The following TMEM114 variants were observed in gnomAD, a reference collection of about 807,000 sequenced individuals.
The protein encoded by TMEM114 is claudin-26.
In TMEM114, 6 loss-of-function variants were observed where a neutral mutation model predicts 6.2. The ratio of observed to expected loss-of-function variants is 0.97; its 90% CI spans 0.53 to 1.91. The LOEUF (loss-of-function observed/expected upper bound fraction) is 1.91, where lower values mean the gene tolerates loss of function less well. Among genes scored for constraint, TMEM114 ranks in the 40% most tolerant of loss-of-function variants. The probability of loss-of-function intolerance (pLI) is 0.01; values close to 1 mark genes in which losing one functional copy is unlikely to be tolerated. For missense variants in TMEM114, 218 were observed against 158.3 expected, an observed-to-expected ratio of 1.38 and a Z score of -2.02; for synonymous variants, 104 against 73.0, an observed-to-expected ratio of 1.42 and a Z score of -2.16.
intron 2 of TMEM114, among the ~76,000 whole-genome samples, chr16:8,583,653 CAGG>C (rs1436055505): frequency 2.6e-5 from 4 of 151,942 alleles, no homozygotes; most frequent in African/African-American, 9.7e-5. Flanking sequence ...GAGGCTGAGG[CAGG>C]AGAATTGCTT....
chr16:8,563,870 T>C (rs1901397782), intron 2 of TMEM114, among the ~76,000 whole-genome samples: 1 of 150,164 alleles, frequency 6.7e-6, no homozygotes, highest in Admixed American at 6.6e-5. Flanking sequence ...AATGAGTGAA[T>C]GAGTGAGTGA....
intron 2 of TMEM114, among the ~76,000 whole-genome samples, chr16:8,546,461 G>A (rs924296715): frequency 6.6e-6 from 1 of 152,066 alleles, no homozygotes; most frequent in East Asian, 1.9e-4. Context: ...AATCTGCAGC[G>A]ACCAGCCCGG....
At chr16:8,577,580 T>TTTTGTTA (rs1325384851) in intron 2 of TMEM114, among the ~76,000 whole-genome samples, 1 of 149,694 alleles carries the variant, frequency 6.7e-6, no homozygotes. Flanking sequence ...TGATTTTGTT[T>TTTTGTTA]TTTGTTTTTT....
chr16:8,569,851 G>C lies in TMEM114; in HGVS notation c.594C>G (p.Ala198=). The part of the protein sequence containing the change: ...SLALGWISFI[A]ELLTGAAFLA... ...GGAAGGCTGCCCCGGTGAGCAGCTC[G>C]GCGATGAAGCTGATCCAGCCCAGGG... Residue 198 remains alanine, a synonymous_variant, in exon 4 of 4, where the codon GCC becomes GCG. Transcript: ENST00000620492. The C allele has an allele frequency of 1.3e-6, 2 of 1,551,034 alleles. No individual in the cohort carries two copies. Among genetic ancestry groups the C allele is most frequent in the South Asian group, 1.2e-5 (1 of 84,064 alleles).
intron 2 of TMEM114, among the ~76,000 whole-genome samples, chr16:8,579,995 A>G (rs1237726268): frequency 6.6e-6 from 1 of 152,054 alleles, no homozygotes; most frequent in East Asian, 1.9e-4. Flanking sequence ...TAGGAGAGGG[A>G]TTCCCAAAAG....
At chr16:8,562,010 G>T (rs111218278) in intron 2 of TMEM114, among the ~76,000 whole-genome samples, 6,271 of 151,858 alleles carry the variant, frequency 0.041, 188 homozygotes, top group South Asian at 0.1. Context: ...GTAAATGAGT[G>T]ACTGAATGTG....
At chr16:8,553,814 C>T (rs1254241185) in intron 2 of TMEM114, among the ~76,000 whole-genome samples, 1 of 152,088 alleles carries the variant, frequency 6.6e-6, no homozygotes, top group African/African-American at 2.4e-5. Flanking sequence ...ATCTTCCCAC[C>T]TCAGCCTCCC....
downstream of TMEM114, among the ~76,000 whole-genome samples, chr16:8,565,600 G>A (rs1232462500): frequency 6.6e-6 from 1 of 152,090 alleles, no homozygotes; most frequent in Non-Finnish European, 1.5e-5. Flanking sequence ...ACCTGGATCT[G>A]ACCACACCTC....
chr16:8,527,470 C>T, the TMEM114 span, among the ~76,000 whole-genome samples: 5 of 152,130 alleles, frequency 3.3e-5, no homozygotes, highest in Admixed American at 6.5e-5. Context: ...GGACACTTCC[C>T]CGTGGATTTG....
chr16:8,586,672 G>T (rs145559439), intron 2 of TMEM114, among the ~76,000 whole-genome samples: 1,541 of 152,140 alleles, frequency 0.01, 29 homozygotes, highest in African/African-American at 0.034. Flanking sequence ...ACCACACCGG[G>T]CTAATTTTTG....
At chr16:8,533,296 A>T (rs1039582492), downstream of TMEM114, among the ~76,000 whole-genome samples, 1 of 152,226 alleles carries the variant, frequency 6.6e-6, no homozygotes. Flanking sequence ...TGAGACCTGG[A>T]TGACATGAAG....
chr16:8,562,376 G>C lies in TMEM114; in HGVS notation n.213-24550C>G, dbSNP rs1025145435. Reference sequence around the variant, plus strand: ...AGTGAATTAGTGAGTGAATGAATGAGTGAGTGAGGGAATGAGTGAGTGAGT... The same window carrying C: ...AGTGAATTAGTGAGTGAATGAATGACTGAGTGAGGGAATGAGTGAGTGAGT... On this transcript the variant is annotated intron_variant and non_coding_transcript_variant, in intron 2 of 2. Coordinates refer to the TMEM114 transcript ENST00000623677. Among the ~76,000 whole-genome samples, 21 of 150,814 alleles carry C rather than the reference G, an allele frequency of 1.4e-4. 2 individuals are homozygous for C. Among genetic ancestry groups the C allele is most frequent in the African/African-American group, 4.7e-4 (19 of 40,614 alleles).
the TMEM114 span, among the ~76,000 whole-genome samples, chr16:8,529,333 G>C: frequency 6.6e-6 from 1 of 152,240 alleles, no homozygotes; most frequent in Non-Finnish European, 1.5e-5. Flanking sequence ...ATCTGAGACC[G>C]TTGGCCTAGA....
intron 2 of TMEM114, among the ~76,000 whole-genome samples, chr16:8,556,016 A>C (rs559449841): frequency 2.3e-4 from 35 of 152,252 alleles, no homozygotes; most frequent in Admixed American, 2.2e-3. Context: ...CCCCTCCTTC[A>C]ACACCACCTG....
chr16:8,545,885 G>C (rs746621006), intron 2 of TMEM114, among the ~76,000 whole-genome samples: 2 of 152,054 alleles, frequency 1.3e-5, no homozygotes, highest in South Asian at 2.1e-4. Flanking sequence ...GAGGTTGAGG[G>C]AGAAGGATTG....
chr16:8,549,788 C>G (rs1298071479), intron 2 of TMEM114, among the ~76,000 whole-genome samples: 1 of 152,072 alleles, frequency 6.6e-6, no homozygotes, highest in Non-Finnish European at 1.5e-5. Flanking sequence ...CTGTATTAGT[C>G]AGGGTTCTCT....
rs527353669 is a variant in TMEM114 at position 8,560,127 on chromosome 16, G to A, written n.213-22301C>T. On this transcript the variant is annotated intron_variant and non_coding_transcript_variant, in intron 2 of 2. Coordinates refer to the TMEM114 transcript ENST00000623677. ...CCCACCTCAGCCTCCTGAGTAGCTG[G>A]GACTACAGGTGCACACCACCATACC... 1.7e-4 allele frequency among the ~76,000 whole-genome samples: 26 copies of A among 152,142 alleles called. No individual in the cohort carries two copies. In the South Asian group the frequency reaches 5.2e-3, roughly 30 times the overall value.
intron 2 of TMEM114, among the ~76,000 whole-genome samples, chr16:8,545,627 A>G (rs1482081952): frequency 6.6e-6 from 1 of 152,198 alleles, no homozygotes; most frequent in African/African-American, 2.4e-5. Context: ...TCAGTAGATC[A>G]TTAGTGGGGT....
chr16:8,540,626 T>C (rs935098691), intron 2 of TMEM114, among the ~76,000 whole-genome samples: 26 of 152,192 alleles, frequency 1.7e-4, no homozygotes, highest in Admixed American at 1.0e-3. Context: ...ATTCAATTCA[T>C]TCACTGAACC....
Sources: gnomAD v4.1 joint callset for allele counts (sites outside exome capture counted in the v4.1 genomes callset) on GRCh38, gnomAD v4.1.1 for gene constraint, MANE v1.5 for transcripts, NCBI Gene and HGNC (gene_info 2026-07-23, HGNC 2026-07-21) for gene names.